DNAJC2: variants seen among roughly 807,000 people sequenced by gnomAD.
DNAJC2 encodes dnaJ homolog subfamily C member 2.
In DNAJC2, 32 loss-of-function variants were observed where a neutral mutation model predicts 94.0. The observed-to-expected ratio is 0.34, with a 90% confidence interval of 0.26 to 0.46. DNAJC2 has a LOEUF of 0.46. DNAJC2 is among the 20% of genes least tolerant of loss of function. DNAJC2 has a pLI of 1.00. For missense variants in DNAJC2, 550 were observed against 719.5 expected, an observed-to-expected ratio of 0.76 and a Z score of 2.69; for synonymous variants, 210 against 229.7, an observed-to-expected ratio of 0.91 and a Z score of 0.77.
chr7:103,315,806 C>T lies in DNAJC2; in HGVS notation c.1594G>A (p.Val532Ile), dbSNP rs745702727. The T allele has an allele frequency of 6.2e-6, 10 of 1,613,634 alleles. No homozygotes were observed. The highest frequency in any genetic ancestry group is 8.5e-6 in the Non-Finnish European group (10 of 1,179,880). ...FDKFKKEHGV[V>I]PQADNATPSE... ...GGCGTTGCGTTGTCTGCTTGAGGTACCACTCCATGTTCTTTTTTGAACTTA... is the reference window on the plus strand; with the variant it reads ...GGCGTTGCGTTGTCTGCTTGAGGTATCACTCCATGTTCTTTTTTGAACTTA... Residue 532 changes from valine to isoleucine, a missense_variant, in exon 15 of 17, where the codon GTA becomes ATA. By Grantham distance (29) the Val-to-Ile change is conservative. Transcript: ENST00000379263.
chr7:103,316,936 C>G lies in DNAJC2; in HGVS notation c.1321G>C (p.Glu441Gln), dbSNP rs1489607714. The G allele has an allele frequency of 6.2e-7, 1 of 1,614,074 alleles. No homozygotes were observed. The highest frequency in any genetic ancestry group is 1.7e-5 in the Admixed American group (1 of 60,014). ...ARMRQASKNT[E>Q]KSTGGGGNGS... Reference sequence around the variant, plus strand: ...TTTCCACCTCCACCAGTTGATTTCTCTGTGTTCTTAGATGCTTGTCGCATA... The same window carrying G: ...TTTCCACCTCCACCAGTTGATTTCTGTGTGTTCTTAGATGCTTGTCGCATA... The change falls in exon 13 of 17, where the codon GAG (glutamate) becomes CAG (glutamine). Residue 441 changes from glutamate (E) to glutamine (Q), a missense_variant. Physicochemically the swap from Glu to Gln is conservative, Grantham distance 29 (BLOSUM62 2). This residue lies in a region of DNAJC2 where 271 missense variants were observed against 302.6 expected (regional missense o/e 0.90). Transcript: ENST00000379263.
chr7:103,325,107 A>G (rs1432432912), intron 5 of DNAJC2, among the ~76,000 whole-genome samples: 2 of 152,216 alleles, frequency 1.3e-5, no homozygotes, highest in Non-Finnish European at 2.9e-5. Context: ...AAATCATTAC[A>G]CAGAAAAATA....
intron 3 of DNAJC2, chr7:103,336,866 T>C (rs1214355030): frequency 6.6e-6 from 1 of 152,248 alleles, no homozygotes; most frequent in Non-Finnish European, 1.5e-5. Context: ...TAAGCAGTAA[T>C]GGGGACGATT....
At chr7:103,335,405 C>T (rs920251089) in intron 3 of DNAJC2, 3 of 152,134 alleles carry the variant, frequency 2.0e-5, no homozygotes, top group Admixed American at 1.3e-4. Context: ...TAAAGACTGA[C>T]GGAATATTCC....
chr7:103,316,318 G>A (rs1818052818), intron 13 of DNAJC2: 3 of 352,272 alleles, frequency 8.5e-6, no homozygotes, highest in South Asian at 1.8e-4. Context: ...ACATCTTACA[G>A]ATTTGGTGTA....
chr7:103,313,105 A>G lies in DNAJC2; in HGVS notation c.1637-4T>C. ...GGGGTGAAGTCTGTATATGGACCTG[A>G]TTAAGAAAAATTTTTATTTGAAAAC... On this transcript the variant is annotated splice_polypyrimidine_tract_variant and splice_region_variant and intron_variant, in intron 15 of 16. Coordinates refer to ENST00000379263, the MANE Select transcript of DNAJC2 (RefSeq NM_014377.3). The G allele has an allele frequency of 6.3e-7, 1 of 1,593,974 alleles. No individual in the cohort carries two copies. Among genetic ancestry groups the G allele is most frequent in the Non-Finnish European group, 8.5e-7 (1 of 1,174,042 alleles).
At chr7:103,336,354 T>A (rs1225551751) in intron 3 of DNAJC2, 1 of 152,222 alleles carries the variant, frequency 6.6e-6, no homozygotes, top group Non-Finnish European at 1.5e-5. Flanking sequence ...GCTATTCTAT[T>A]TTTTCGGAAA....
chr7:103,326,410 G>A, intron 5 of DNAJC2, 133 bp downstream of exon 5: 2 of 754,600 alleles, frequency 2.7e-6, no homozygotes, highest in East Asian at 3.0e-5. Flanking sequence ...TGCAGAGAAG[G>A]AGGAGGAGGA....
intron 1 of DNAJC2, 74 bp from the exon 2 acceptor site, chr7:103,342,028 T>A: frequency 8.1e-7 from 1 of 1,238,084 alleles, no homozygotes; most frequent in South Asian, 2.1e-5. Context: ...ATTAATTTTT[T>A]CAGGAAATAA....
intron 16 of DNAJC2, 36 bp downstream of exon 16, chr7:103,312,910 TA>T: frequency 1.3e-6 from 2 of 1,587,544 alleles, no homozygotes; most frequent in Non-Finnish European, 1.7e-6. Context: ...AGCTACAATT[TA>T]AAATACAACA....
chr7:103,329,079 G>A (rs915267309), intron 3 of DNAJC2: 12 of 959,164 alleles, frequency 1.3e-5, no homozygotes, highest in Non-Finnish European at 1.7e-5. Flanking sequence ...ATTATCGCTG[G>A]TGGTCAACAA....
At chr7:103,326,179 T>C (rs985051604) in intron 5 of DNAJC2, among the ~76,000 whole-genome samples, 8 of 152,122 alleles carry the variant, frequency 5.3e-5, no homozygotes, top group East Asian at 1.9e-4. Context: ...GGTTTCACCA[T>C]GTTGGCCAGG....
intron 3 of DNAJC2, chr7:103,336,685 G>A (rs1446393871): frequency 2.0e-5 from 3 of 152,242 alleles, no homozygotes; most frequent in Non-Finnish European, 4.4e-5. Context: ...GCAAACACTT[G>A]TACGTGGCAA....
chr7:103,324,352 A>G, intron 6 of DNAJC2, 130 bp downstream of exon 6: 1 of 712,242 alleles, frequency 1.4e-6, no homozygotes, highest in South Asian at 3.2e-5. Flanking sequence ...CACATAGGTA[A>G]CAGAGTGCTT....
At chr7:103,322,413 C>G in intron 9 of DNAJC2, 98 bp downstream of exon 9, 1 of 1,219,758 alleles carries the variant, frequency 8.2e-7, no homozygotes, top group Middle Eastern at 2.3e-4. Flanking sequence ...TCTCTGCTTT[C>G]GAATTATAGT....
intron 15 of DNAJC2, chr7:103,314,565 T>G: frequency 1.0e-5 from 10 of 985,350 alleles, no homozygotes; most frequent in Non-Finnish European, 1.2e-5. Flanking sequence ...ATACCTGTTG[T>G]ATTTTGTGGA....
At chr7:103,314,976 A>G (rs772528321) in intron 15 of DNAJC2, among the ~76,000 whole-genome samples, 2 of 152,170 alleles carry the variant, frequency 1.3e-5, no homozygotes, top group African/African-American at 2.4e-5. Context: ...AAAAAAATTT[A>G]TATCACATCC....
intron 2 of DNAJC2, among the ~76,000 whole-genome samples, chr7:103,340,840 T>C (rs1201692809): frequency 1.3e-5 from 2 of 152,186 alleles, no homozygotes; most frequent in African/African-American, 4.8e-5. Context: ...ATAGACCAAT[T>C]TCTAACCATC....
At chr7:103,318,148 T>C (rs12530836) in intron 12 of DNAJC2, among the ~76,000 whole-genome samples, 9,464 of 152,058 alleles carry the variant, frequency 0.062, 338 homozygotes, top group South Asian at 0.12. Flanking sequence ...TCCCACTCCA[T>C]TTCCCCATAA....
Sources: gnomAD v4.1 joint callset for allele counts (sites outside exome capture counted in the v4.1 genomes callset) on GRCh38, gnomAD v4.1.1 for gene constraint, gnomAD v4.1.1 regional missense constraint, MANE v1.5 for transcripts, NCBI Gene and HGNC (gene_info 2026-07-23, HGNC 2026-07-21) for gene names.